KCNK6: variants seen among roughly 807,000 people sequenced by gnomAD.
KCNK6 encodes potassium channel subfamily K member 6.
In KCNK6, 20 loss-of-function variants were observed where a neutral mutation model predicts 21.9. The observed-to-expected ratio is 0.91, with a 90% confidence interval of 0.64 to 1.32. The LOEUF (loss-of-function observed/expected upper bound fraction) is 1.32. Among genes scored for constraint, KCNK6 ranks in the 40% most tolerant of loss-of-function variants. The pLI, the probability that KCNK6 is intolerant of heterozygous loss-of-function variation, is 0.00. For missense variants in KCNK6, 415 were observed against 433.1 expected (o/e 0.96, Z 0.37); for synonymous variants, 210 against 218.0 (o/e 0.96, Z 0.32).
rs777727245 is a variant in KCNK6 at position 38,327,244 on chromosome 19, C to T, written c.783C>T (p.Asp261=). Residue 261 remains aspartate (D), a synonymous_variant, in exon 3 of 3, where the codon GAC becomes GAT. Coordinates refer to ENST00000263372, the MANE Select transcript of KCNK6 (RefSeq NM_004823.3). The part of the protein sequence containing the change: ...LVLQTFRHVS[D]LHGLTELILL... ...TGCAGACCTTCCGCCACGTGTCCGA[C>T]CTCCACGGCCTCACGGAGCTCATCC... The T allele has an allele frequency of 7.8e-5, 126 of 1,613,678 alleles. No individual in the cohort carries two copies. In the Admixed American group the frequency reaches 1.1e-3, roughly 15 times the overall value.
chr19:38,324,403 C>T (rs923578030), intron 1 of KCNK6, among the ~76,000 whole-genome samples: 14 of 152,170 alleles, frequency 9.2e-5, no homozygotes, highest in Non-Finnish European at 1.6e-4. Flanking sequence ...CCAAGTCGTA[C>T]TGCATGGTCA....
intron 1 of KCNK6, among the ~76,000 whole-genome samples, chr19:38,323,727 C>T (rs955989471): frequency 6.6e-6 from 1 of 152,136 alleles, no homozygotes; most frequent in African/African-American, 2.4e-5. Flanking sequence ...TGGAACCACA[C>T]GTGCACGCCA....
chr19:38,324,855 G>A (rs1486199478), intron 1 of KCNK6, among the ~76,000 whole-genome samples: 1 of 152,126 alleles, frequency 6.6e-6, no homozygotes, highest in Non-Finnish European at 1.5e-5. Context: ...GCCTCCTAGA[G>A]GGCTGGGGTT....
In KCNK6 at chr19:38,326,955, C is replaced by A; in HGVS notation, c.685C>A (p.Pro229Thr). The change falls in exon 2 of 3, where the codon CCC becomes ACC. Residue 229 changes from proline to threonine, a missense_variant. Coordinates refer to ENST00000263372, the MANE Select transcript of KCNK6 (RefSeq NM_004823.3). The part of the protein sequence containing the change: ...DYVPGEAPGQ[P>T]YRALYKVLVT... ...CGTGCCCGGGGAGGCCCCTGGCCAG[C>A]CCTACCGGGCCCTCTACAAGGTGCT... 1.2e-6 allele frequency: 2 copies of A among 1,605,338 alleles called. No homozygotes were observed. The highest frequency in any genetic ancestry group is 1.7e-6 in the Non-Finnish European group (2 of 1,179,568).
rs1969726497 is a variant in KCNK6 at position 38,327,533 on chromosome 19, T to G, written c.*130T>G. On this transcript the variant is annotated 3_prime_UTR_variant, in exon 3 of 3. Transcript: ENST00000263372. ...TTGAGGCCTTGCCGTCCACCGTCTCTCCTTTGTTTCCCAGCATCTGGCTGG... is the reference window on the plus strand; with the variant it reads ...TTGAGGCCTTGCCGTCCACCGTCTCGCCTTTGTTTCCCAGCATCTGGCTGG... The G allele has an allele frequency of 2.5e-6, 2 of 810,554 alleles. No homozygotes were observed. The highest frequency in any genetic ancestry group is 2.5e-5 in the Admixed American group (1 of 39,310). 50.2% of individuals were successfully genotyped at this position (810,554 alleles called of 1,614,324 possible).
rs898357825 is a variant in KCNK6 at position 38,328,760 on chromosome 19, T to C, written c.*1357T>C. 4.0e-5 allele frequency: 6 copies of C among 151,848 alleles called. No homozygotes were observed. The highest frequency in any genetic ancestry group is 1.5e-4 in the African/African-American group (6 of 41,320). 9.4% of individuals were successfully genotyped at this position (151,848 alleles called of 1,614,324 possible). A position where few individuals can be genotyped will look rare whatever the true frequency, so the allele number is the denominator to read the frequency against. On this transcript the variant is annotated 3_prime_UTR_variant, in exon 3 of 3. Transcript: ENST00000263372. ...TACTTCAGAGGCTGAGGTGGAAGGA[T>C]CACTTGAGGCCAGGAGTTTGAGGCT...
At position 38,326,676 on chromosome 19, in the gene KCNK6, C is replaced by T. The variant is rs772276325; in HGVS notation, c.406C>T (p.Leu136=). The T allele has an allele frequency of 3.1e-6, 5 of 1,607,570 alleles. No homozygotes were observed. Among genetic ancestry groups the T allele is most frequent in the Admixed American group, 1.7e-5 (1 of 60,006 alleles). ...FALLGVPTTM[L]LLTASAQRLS... ...GCTCCTGGGCGTGCCGACCACCATGCTGCTGCTGACCGCCTCAGCCCAGCG... is the reference window on the plus strand; with the variant it reads ...GCTCCTGGGCGTGCCGACCACCATGTTGCTGCTGACCGCCTCAGCCCAGCG... Residue 136 remains leucine, a synonymous_variant, in exon 2 of 3, where the codon CTG becomes TTG. Coordinates refer to ENST00000263372, the MANE Select transcript of KCNK6 (RefSeq NM_004823.3).
At chr19:38,325,641 G>A in intron 1 of KCNK6, 8 of 639,148 alleles carry the variant, frequency 1.3e-5, no homozygotes, top group Non-Finnish European at 1.6e-5. Context: ...TGGGTAAGAG[G>A]ATGTTACCAT....
In KCNK6 at chr19:38,320,123, C is replaced by A. The variant is rs1358372671; in HGVS notation, c.173C>A (p.Ala58Asp). The A allele has an allele frequency of 6.3e-7, 1 of 1,584,810 alleles. No homozygotes were observed. Among genetic ancestry groups the A allele is most frequent in the Non-Finnish European group, 8.5e-7 (1 of 1,173,098 alleles). ...LQRSPCVAAP[A>D]LDAFVERVLA... ...CGCAGCCCGTGTGTGGCTGCCCCCG[C>A]CCTGGACGCCTTCGTGGAGCGAGTG... Residue 58 changes from alanine to aspartate, a missense_variant, in exon 1 of 3, where the codon GCC becomes GAC. By Grantham distance (126) the Ala-to-Asp change is moderately radical. Transcript: ENST00000263372.
intron 1 of KCNK6, among the ~76,000 whole-genome samples, chr19:38,325,997 A>G (rs1969702922): frequency 6.6e-6 from 1 of 152,040 alleles, no homozygotes; most frequent in Admixed American, 6.6e-5. Flanking sequence ...GGTGGGGGCC[A>G]TGGGACTGGG....
rs1193275051 is a variant in KCNK6 at position 38,327,657 on chromosome 19, GTCTC to G, written c.*258_*261del. On this transcript the variant is annotated 3_prime_UTR_variant, in exon 3 of 3. Transcript: ENST00000263372. Reference sequence around the variant, plus strand: ...CTTTCTCTCATCCTCTTTACACTGTGTCTCTCTGGCTCTCTGGCATTCTCGCTGC... The same window carrying G: ...CTTTCTCTCATCCTCTTTACACTGTGTCTGGCTCTCTGGCATTCTCGCTGC... The G allele has an allele frequency of 1.7e-5, 9 of 542,650 alleles. No individual in the cohort carries two copies. The East Asian group carries it at 2.8e-4, about 17-fold the overall frequency. 33.6% of individuals were successfully genotyped at this position (542,650 alleles called of 1,614,324 possible).
At position 38,327,345 on chromosome 19, in the gene KCNK6, AGTC is replaced by A. The variant is rs749223512; in HGVS notation, c.886_888del (p.Ser296del). The A allele has an allele frequency of 1.9e-4, 311 of 1,612,470 alleles. No individual in the cohort carries two copies. Among genetic ancestry groups the A allele is most frequent in the Non-Finnish European group, 2.5e-4 (298 of 1,180,000 alleles). On this transcript the variant is annotated inframe_deletion, in exon 3 of 3. Coordinates refer to ENST00000263372, the MANE Select transcript of KCNK6 (RefSeq NM_004823.3). ...GTGGACATCCTGGGCCCCCAGCCGG[AGTC>A]GCACCAGCAACTCTCTGCCAGCTCC... is the stretch of plus-strand genomic sequence containing the variant.
At chr19:38,327,127 G>A (rs567922945) in intron 2 of KCNK6, 53 bp from the exon 3 acceptor site, 354 of 1,595,030 alleles carry the variant, frequency 2.2e-4, no homozygotes, top group African/African-American at 7.6e-4. Context: ...CTGCGGCCCC[G>A]CCTGGAAAAT....
intron 1 of KCNK6, among the ~76,000 whole-genome samples, chr19:38,322,933 C>T (rs1351240778): frequency 6.6e-6 from 1 of 151,730 alleles, no homozygotes; most frequent in Admixed American, 6.6e-5. Context: ...GCCAACATGA[C>T]GAAACCCCAT....
chr19:38,320,368 C>A, intron 1 of KCNK6, 96 bp downstream of exon 1: 2 of 1,308,568 alleles, frequency 1.5e-6, no homozygotes, highest in Non-Finnish European at 2.1e-6. Context: ...ATACCCTTAT[C>A]CCAATCCCCT....
In KCNK6 at chr19:38,328,846, G is replaced by A. The variant is rs1969739836; in HGVS notation, c.*1443G>A. On this transcript the variant is annotated 3_prime_UTR_variant, in exon 3 of 3. Coordinates refer to ENST00000263372, the MANE Select transcript of KCNK6 (RefSeq NM_004823.3). ...TGCGGGACAGAGTGAGACCCTGTCT[G>A]AAAGAAAGAGAGAAAGAAAGAAAGA... is the stretch of plus-strand genomic sequence containing the variant. The A allele has an allele frequency of 7.1e-6, 1 of 140,516 alleles. No homozygotes were observed. Among genetic ancestry groups the A allele is most frequent in the Non-Finnish European group, 1.6e-5 (1 of 64,264 alleles). The allele number at this position is 140,516 out of a possible 1,614,324, so 8.7% of individuals were successfully genotyped here.
rs201914775 is a variant in KCNK6 at position 38,327,303 on chromosome 19, C to T, written c.842C>T (p.Ala281Val). ...CCTCCGTGCCCTGCCAGTTTCAATGCGGATGAGGACGATCGGGTGGACATC... is the reference window on the plus strand; with the variant it reads ...CCTCCGTGCCCTGCCAGTTTCAATGTGGATGAGGACGATCGGGTGGACATC... ...LPPPCPASFN[A>V]DEDDRVDILG... Residue 281 changes from alanine (A) to valine (V), a missense_variant, in exon 3 of 3, where the codon GCG becomes GTG. Ala to Val is a moderately conservative substitution (Grantham distance 64). Transcript: ENST00000263372. The T allele has an allele frequency of 5.6e-5, 90 of 1,613,594 alleles. No individual in the cohort carries two copies. Among genetic ancestry groups the T allele is most frequent in the Middle Eastern group, 3.3e-4 (2 of 6,062 alleles).
chr19:38,328,082 G>A lies in KCNK6; in HGVS notation c.*679G>A, dbSNP rs1969731926. ...AGGTGAGGTGTTGAAAGCACAGGCAGAGTGGTCAGGGCTGAAGTCGGAGAA... is the reference window on the plus strand; with the variant it reads ...AGGTGAGGTGTTGAAAGCACAGGCAAAGTGGTCAGGGCTGAAGTCGGAGAA... On this transcript the variant is annotated 3_prime_UTR_variant, in exon 3 of 3. Coordinates refer to ENST00000263372, the MANE Select transcript of KCNK6 (RefSeq NM_004823.3). The A allele has an allele frequency of 6.5e-6, 1 of 152,898 alleles. No individual in the cohort carries two copies. Among genetic ancestry groups the A allele is most frequent in the African/African-American group, 2.4e-5 (1 of 41,460 alleles). 9.5% of individuals were successfully genotyped at this position (152,898 alleles called of 1,614,324 possible). A position where few individuals can be genotyped will look rare whatever the true frequency, so the allele number is the denominator to read the frequency against.
At chr19:38,322,884 G>A (rs572309492) in intron 1 of KCNK6, among the ~76,000 whole-genome samples, 8 of 152,038 alleles carry the variant, frequency 5.3e-5, no homozygotes, top group Admixed American at 2.0e-4. Context: ...AGGCTGAGGC[G>A]GGCGGATCAC....
Sources: allele counts gnomAD v4.1 joint callset (sites outside exome capture counted in the v4.1 genomes callset), GRCh38; gene constraint gnomAD v4.1.1; transcripts MANE v1.5; gene names NCBI Gene and HGNC (gene_info 2026-07-23, HGNC 2026-07-21).